Variants in TTLL13 observed in about 807,000 individuals in gnomAD.
TTLL13 encodes the protein tubulin polyglutamylase TTLL13.
At chr15:90,253,353 A>C in the TTLL13 span, 3 of 1,612,492 alleles carry the variant, frequency 1.9e-6, no homozygotes, top group African/African-American at 2.7e-5. Context: ...AGTCATGGAC[A>C]TGAAGAGGTT....
At chr15:90,260,210 T>C in the TTLL13 span, among the ~76,000 whole-genome samples, 4 of 152,136 alleles carry the variant, frequency 2.6e-5, no homozygotes, top group Non-Finnish European at 5.9e-5. Context: ...TTAAAAATAT[T>C]GTTGTGGCCA....
chr15:90,258,179 C>T, the TTLL13 span: 2 of 1,614,232 alleles, frequency 1.2e-6, no homozygotes, highest in South Asian at 1.1e-5. Context: ...CCTGTTTTCC[C>T]CAGTATCTGA....
At chr15:90,257,190 C>T in the TTLL13 span, 1 of 1,614,018 alleles carries the variant, frequency 6.2e-7, no homozygotes, top group African/African-American at 1.3e-5. Flanking sequence ...GTCCTGATCA[C>T]ATCCTGTGAC....
the TTLL13 span, among the ~76,000 whole-genome samples, chr15:90,252,371 G>A: frequency 1.3e-5 from 2 of 151,804 alleles, no homozygotes; most frequent in Non-Finnish European, 1.5e-5. Flanking sequence ...TGTAGAGACA[G>A]AGTCTTGCTA....
At chr15:90,262,971 G>A in the TTLL13 span, 1 of 1,535,622 alleles carries the variant, frequency 6.5e-7, no homozygotes, top group South Asian at 1.2e-5. Flanking sequence ...TGTAGCTGCT[G>A]CCGGGACAGC....
the TTLL13 span, chr15:90,253,495 C>T: frequency 2.5e-5 from 13 of 528,888 alleles, no homozygotes; most frequent in Middle Eastern, 2.9e-4. Flanking sequence ...AGAAAGACCA[C>T]CCCCAGGGTC....
At chr15:90,262,576 G>C in the TTLL13 span, 1 of 1,535,004 alleles carries the variant, frequency 6.5e-7, no homozygotes, top group South Asian at 1.2e-5. Flanking sequence ...ACCAGAACCA[G>C]GGTGAATCAG....
the TTLL13 span, among the ~76,000 whole-genome samples, chr15:90,260,843 T>C: frequency 7.4e-6 from 1 of 135,886 alleles, no homozygotes; most frequent in Non-Finnish European, 1.5e-5. Flanking sequence ...AGAGCAGGAC[T>C]CTGTCTCAAA....
chr15:90,263,108 C>G, the TTLL13 span: 2 of 1,534,234 alleles, frequency 1.3e-6, no homozygotes, highest in Non-Finnish European at 1.7e-6. Context: ...CTGCAGCACC[C>G]TGGCCCCCAG....
At chr15:90,255,100 G>T in the TTLL13 span, among the ~76,000 whole-genome samples, 2 of 152,240 alleles carry the variant, frequency 1.3e-5, no homozygotes, top group African/African-American at 4.8e-5. Context: ...CTGTCCCCCT[G>T]TGCAGACAGG....
the TTLL13 span, chr15:90,253,345 T>C: frequency 6.2e-7 from 1 of 1,612,628 alleles, no homozygotes; most frequent in Non-Finnish European, 8.5e-7. Context: ...CTGGAACGAG[T>C]CATGGACATG....
At chr15:90,255,853 C>T in the TTLL13 span, 21 of 1,614,196 alleles carry the variant, frequency 1.3e-5, no homozygotes, top group East Asian at 4.5e-5. Context: ...CTGAGTACAA[C>T]ATCTTCCCCC....
chr15:90,258,285 T>G, the TTLL13 span: 5 of 1,612,378 alleles, frequency 3.1e-6, no homozygotes, highest in Non-Finnish European at 4.2e-6. Context: ...GATTATCTCC[T>G]AGGCTTTGCA....
At chr15:90,263,923 C>T in the TTLL13 span, 14 of 1,458,594 alleles carry the variant, frequency 9.6e-6, no homozygotes, top group South Asian at 1.6e-4. Context: ...TGCAATCCCA[C>T]ATGTTCCCCG....
At chr15:90,251,592 G>A in the TTLL13 span, 11 of 1,613,790 alleles carry the variant, frequency 6.8e-6, no homozygotes, top group Admixed American at 1.7e-4. Context: ...AAGTATGAGA[G>A]TGGTAAGCAC....
the TTLL13 span, among the ~76,000 whole-genome samples, chr15:90,261,308 A>G: frequency 3.3e-4 from 49 of 149,364 alleles, 2 homozygotes; most frequent in South Asian, 9.8e-3. Flanking sequence ...CGAATTCCCA[A>G]CCTCAAGTGA....
At chr15:90,258,755 C>T in the TTLL13 span, 1 of 1,613,980 alleles carries the variant, frequency 6.2e-7, no homozygotes, top group African/African-American at 1.3e-5. Flanking sequence ...AAACCACTCT[C>T]CAAGCTTTAC....
chr15:90,254,117 C>A, the TTLL13 span, among the ~76,000 whole-genome samples: 8 of 151,746 alleles, frequency 5.3e-5, no homozygotes, highest in Non-Finnish European at 1.0e-4. Context: ...CACTTGAACC[C>A]AGGAGGTGGA....
At chr15:90,262,518 A>C in the TTLL13 span, 2 of 1,517,194 alleles carry the variant, frequency 1.3e-6, no homozygotes, top group Admixed American at 2.2e-5. Context: ...ATCCGCCTTA[A>C]GCAGGAACAG....
Sources: gnomAD v4.1 joint callset for allele counts (sites outside exome capture counted in the v4.1 genomes callset) on GRCh38, gnomAD v4.1.1 for gene constraint, MANE v1.5 for transcripts, NCBI Gene and HGNC (gene_info 2026-07-23, HGNC 2026-07-21) for gene names.